Variants in CTNNA2 observed in about 807,000 individuals in gnomAD.
CTNNA2 encodes catenin alpha 2.
A neutral mutation model predicts 101.0 loss-of-function variants in CTNNA2; 42 were observed. The ratio of observed to expected loss-of-function variants is 0.42; its 90% CI spans 0.32 to 0.54. The LOEUF is 0.54. Among genes scored for constraint, CTNNA2 ranks in the 20% least tolerant of loss-of-function variants. The pLI, the probability that CTNNA2 is intolerant of heterozygous loss-of-function variation, is 0.14. For synonymous variants in CTNNA2, 450 were observed against 456.4 expected (o/e 0.99, Z 0.18); for missense variants, 871 against 1,223.1 (o/e 0.71, Z 4.29).
At chr2:79,638,576 C>G (rs1680236800) in intron 1 of CTNNA2, among the ~76,000 whole-genome samples, 1 of 152,104 alleles carries the variant, frequency 6.6e-6, no homozygotes, top group Admixed American at 6.5e-5. Context: ...GAATCATTTC[C>G]CACTTACTGT....
chr2:79,623,200 A>G lies in CTNNA2; in HGVS notation c.-5-28352A>G, dbSNP rs182691617. 2.1e-3 allele frequency among the ~76,000 whole-genome samples: 315 copies of G among 152,306 alleles called. 3 individuals are homozygous for G. Among genetic ancestry groups the G allele is most frequent in the African/African-American group, 7.3e-3 (303 of 41,564 alleles). ...AATAATGGTATGTTAGCTGTCCTCT[A>G]TAAAGAGGATGTTTTGAACCTTGTA... On this transcript the variant is annotated intron_variant, in intron 1 of 18. Coordinates refer to ENST00000402739, the MANE Select transcript of CTNNA2 (RefSeq NM_001282597.3).
intron 12 of CTNNA2, 144 bp from the exon 13 acceptor site, chr2:80,574,019 G>T: frequency 1.4e-6 from 1 of 704,210 alleles, no homozygotes. Context: ...CTACTAAATT[G>T]GGCTCACTTC....
At chr2:80,199,689 T>C (rs993393946) in intron 7 of CTNNA2, among the ~76,000 whole-genome samples, 6 of 152,230 alleles carry the variant, frequency 3.9e-5, no homozygotes, top group Non-Finnish European at 8.8e-5. Flanking sequence ...GTATCATGGT[T>C]ACCTCTGTGG....
chr2:80,263,802 T>TAACA (rs1029050550), intron 7 of CTNNA2, among the ~76,000 whole-genome samples: 1 of 152,366 alleles, frequency 6.6e-6, no homozygotes. Flanking sequence ...ACCTCTAGTC[T>TAACA]AACACTTGAA....
intron 6 of CTNNA2, among the ~76,000 whole-genome samples, chr2:79,884,578 T>A (rs1016245709): frequency 3.3e-5 from 5 of 152,162 alleles, no homozygotes; most frequent in African/African-American, 1.2e-4. Flanking sequence ...CTTGTAAGAT[T>A]TAAATATCTG....
chr2:80,154,314 C>T lies in CTNNA2; in HGVS notation c.1057-238897C>T, dbSNP rs148292226. Among the ~76,000 whole-genome samples, 114 of 152,084 alleles carry T rather than the reference C, an allele frequency of 7.5e-4. No individual in the cohort carries two copies. In the East Asian group the frequency reaches 0.02, roughly 27 times the overall value. ...CTAGCTATTGGAAAGGTGAATCGCC[C>T]GTTGGTTTAATTAGAAGAGATATTT... On this transcript the variant is annotated intron_variant, in intron 7 of 18. Coordinates refer to ENST00000402739, the MANE Select transcript of CTNNA2 (RefSeq NM_001282597.3).
intron 7 of CTNNA2, among the ~76,000 whole-genome samples, chr2:80,049,823 G>A (rs1696755046): frequency 1.3e-5 from 2 of 152,104 alleles, no homozygotes; most frequent in Admixed American, 1.3e-4. Context: ...TGCTCTTTTT[G>A]AATTTTTTTT....
intron 7 of CTNNA2, among the ~76,000 whole-genome samples, chr2:80,223,641 T>G (rs1231306197): frequency 6.6e-6 from 1 of 152,210 alleles, no homozygotes; most frequent in Admixed American, 6.5e-5. Flanking sequence ...TCAAGAGTTC[T>G]GTGTTCTTGT....
chr2:79,749,654 G>A (rs528307436), intron 3 of CTNNA2, among the ~76,000 whole-genome samples: 78 of 152,300 alleles, frequency 5.1e-4, no homozygotes, highest in Admixed American at 1.3e-3. Flanking sequence ...AATCAGGAAA[G>A]CATTGGCAGT....
chr2:79,666,564 TGTC>T (rs1299837472), intron 2 of CTNNA2, among the ~76,000 whole-genome samples: 1 of 152,238 alleles, frequency 6.6e-6, no homozygotes, highest in Non-Finnish European at 1.5e-5. Context: ...TTTCTGGAAT[TGTC>T]ATCATTATTC....
chr2:80,150,397 C>T (rs923307182), intron 7 of CTNNA2, among the ~76,000 whole-genome samples: 16 of 152,082 alleles, frequency 1.1e-4, no homozygotes, highest in African/African-American at 3.6e-4. Flanking sequence ...CCTTGCATGC[C>T]GCTCACTTGC....
intron 7 of CTNNA2, among the ~76,000 whole-genome samples, chr2:80,242,300 ACAACCTGAAAATGAT>A (rs886238338): frequency 6.6e-6 from 1 of 152,196 alleles, no homozygotes; most frequent in African/African-American, 2.4e-5. Flanking sequence ...TGCTGTTTGC[ACAACCTGAAAATGAT>A]CCAAAGCTCA....
intron 9 of CTNNA2, among the ~76,000 whole-genome samples, chr2:80,462,046 C>G (rs933660075): frequency 3.9e-5 from 6 of 152,190 alleles, no homozygotes; most frequent in African/African-American, 1.4e-4. Context: ...AGTTAACTTA[C>G]TTTGATTATG....
At chr2:80,398,534 A>G (rs1678250137) in intron 8 of CTNNA2, among the ~76,000 whole-genome samples, 1 of 151,992 alleles carries the variant, frequency 6.6e-6, no homozygotes, top group African/African-American at 2.4e-5. Flanking sequence ...AATACAAGAA[A>G]CATGAACCCA....
intron 2 of CTNNA2, among the ~76,000 whole-genome samples, chr2:79,675,323 G>A (rs770493354): frequency 3.9e-5 from 6 of 152,078 alleles, no homozygotes; most frequent in Admixed American, 1.3e-4. Flanking sequence ...ATTTTATGGC[G>A]GTGGACAATG....
At chr2:80,072,533 A>T (rs908621247) in intron 7 of CTNNA2, among the ~76,000 whole-genome samples, 2 of 152,194 alleles carry the variant, frequency 1.3e-5, no homozygotes, top group Non-Finnish European at 1.5e-5. Context: ...CAAAAACTGC[A>T]TGCTTACTGT....
intron 7 of CTNNA2, among the ~76,000 whole-genome samples, chr2:79,990,368 T>C (rs1692084377): frequency 6.6e-6 from 1 of 152,188 alleles, no homozygotes; most frequent in South Asian, 2.1e-4. Context: ...CCAGGTTTTC[T>C]GTGGCCCTAC....
chr2:79,327,287 T>C (rs1175634141), intron 3 of CTNNA2, among the ~76,000 whole-genome samples: 1 of 152,210 alleles, frequency 6.6e-6, no homozygotes, highest in Non-Finnish European at 1.5e-5. Context: ...AGAGTGACGA[T>C]AAATCTTGCT....
At chr2:79,384,401 TC>T (rs1678074546) in intron 4 of CTNNA2, among the ~76,000 whole-genome samples, 163 of 75,172 alleles carry the variant, frequency 2.2e-3, no homozygotes, top group African/African-American at 5.6e-3. Flanking sequence ...TCTCTCTCTC[TC>T]TCTCTCTCTC....
Sources: allele counts gnomAD v4.1 joint callset (sites outside exome capture counted in the v4.1 genomes callset), GRCh38; gene constraint gnomAD v4.1.1; transcripts MANE v1.5; gene names NCBI Gene and HGNC (gene_info 2026-07-23, HGNC 2026-07-21).